NPAS3: variants seen among roughly 807,000 people sequenced by gnomAD.
NPAS3 encodes the protein neuronal PAS domain-containing protein 3.
Under a neutral mutation model 73.1 loss-of-function variants are expected in NPAS3, and 14 were observed. The observed-to-expected ratio is 0.19, with a 90% confidence interval of 0.13 to 0.30. The LOEUF (loss-of-function observed/expected upper bound fraction) is 0.30. NPAS3 is among the 10% of genes least tolerant of loss of function. The pLI is 1.00. For missense variants in NPAS3, 1,096 were observed against 1,250.0 expected, an observed-to-expected ratio of 0.88 and a Z score of 1.86; for synonymous variants, 620 against 541.5, an observed-to-expected ratio of 1.14 and a Z score of -2.01.
intron 6 of NPAS3, among the ~76,000 whole-genome samples, chr14:33,698,813 G>A (rs2060455124): frequency 6.6e-6 from 1 of 152,186 alleles, no homozygotes; most frequent in South Asian, 2.1e-4. Flanking sequence ...AATCAATAGT[G>A]GAGACTTGGC....
intron 1 of NPAS3, among the ~76,000 whole-genome samples, chr14:33,013,304 T>C (rs1412160191): frequency 6.6e-6 from 1 of 152,196 alleles, no homozygotes; most frequent in Admixed American, 6.5e-5. Flanking sequence ...GATTCTCTTA[T>C]AAAGGTTTTA....
At chr14:33,091,772 C>T (rs185439592) in intron 2 of NPAS3, among the ~76,000 whole-genome samples, 5 of 152,238 alleles carry the variant, frequency 3.3e-5, no homozygotes, top group South Asian at 2.1e-4. Context: ...GCTTATCCAC[C>T]GTGATCAAGT....
chr14:33,069,332 G>A (rs1167830610), intron 2 of NPAS3, among the ~76,000 whole-genome samples: 2 of 152,218 alleles, frequency 1.3e-5, no homozygotes, highest in South Asian at 2.1e-4. Flanking sequence ...AAGAGGCTAT[G>A]TGTATGTACG....
At chr14:33,691,065 C>T (rs1376484422) in intron 6 of NPAS3, among the ~76,000 whole-genome samples, 1 of 152,208 alleles carries the variant, frequency 6.6e-6, no homozygotes, top group Non-Finnish European at 1.5e-5. Flanking sequence ...CATCAAAAAA[C>T]ACCCATCAAT....
chr14:33,324,156 T>A (rs2043584743), intron 3 of NPAS3, among the ~76,000 whole-genome samples: 1 of 152,184 alleles, frequency 6.6e-6, no homozygotes, highest in Non-Finnish European at 1.5e-5. Flanking sequence ...CTGTCCTTCC[T>A]GCAGTCTGCC....
chr14:33,133,381 G>A (rs1256988198), intron 2 of NPAS3, among the ~76,000 whole-genome samples: 2 of 152,134 alleles, frequency 1.3e-5, no homozygotes, highest in Admixed American at 1.3e-4. Flanking sequence ...GAAGATATTA[G>A]CAAGGCTTTT....
chr14:33,385,271 C>G (rs1048615955), intron 4 of NPAS3, among the ~76,000 whole-genome samples: 2 of 152,110 alleles, frequency 1.3e-5, no homozygotes, highest in Non-Finnish European at 2.9e-5. Flanking sequence ...GTTCACACAG[C>G]TGTTCTCGTG....
intron 1 of NPAS3, among the ~76,000 whole-genome samples, chr14:33,026,073 A>T (rs971253000): frequency 2.0e-5 from 3 of 152,194 alleles, no homozygotes; most frequent in Non-Finnish European, 4.4e-5. Context: ...TCTCTTGTCT[A>T]CTACTACAAA....
At chr14:33,519,783 T>G (rs192597745) in intron 4 of NPAS3, among the ~76,000 whole-genome samples, 1 of 152,200 alleles carries the variant, frequency 6.6e-6, no homozygotes, top group Admixed American at 6.5e-5. Flanking sequence ...GACCGTACAT[T>G]TTAAAATAAC....
chr14:33,245,825 G>A (rs1482527169), intron 3 of NPAS3, among the ~76,000 whole-genome samples: 1 of 151,540 alleles, frequency 6.6e-6, no homozygotes, highest in Non-Finnish European at 1.5e-5. Context: ...CTCATACTAT[G>A]GTGAATTAAA....
At chr14:33,656,841 T>A (rs1002393002) in intron 5 of NPAS3, among the ~76,000 whole-genome samples, 1 of 152,212 alleles carries the variant, frequency 6.6e-6, no homozygotes, top group Admixed American at 6.5e-5. Flanking sequence ...TTGTACACCC[T>A]AACCAAAATC....
chr14:33,636,417 G>C lies in NPAS3; in HGVS notation c.559-39794G>C, dbSNP rs148487105. Among the ~76,000 whole-genome samples, 4 of 152,262 alleles carry C rather than the reference G, an allele frequency of 2.6e-5. No individual in the cohort carries two copies. In the South Asian group the frequency reaches 8.3e-4, roughly 32 times the overall value. ...AATAACTGCTATGCACAGCTATAGCGGTTTTCTTTAGAATTGAAGGGTTTC... is the reference window on the plus strand; with the variant it reads ...AATAACTGCTATGCACAGCTATAGCCGTTTTCTTTAGAATTGAAGGGTTTC... On this transcript the variant is annotated intron_variant, in intron 5 of 11. Coordinates refer to ENST00000356141, the Ensembl canonical transcript of NPAS3.
At chr14:33,028,551 T>C (rs541009696) in intron 1 of NPAS3, among the ~76,000 whole-genome samples, 44 of 152,348 alleles carry the variant, frequency 2.9e-4, no homozygotes, top group Admixed American at 1.3e-3. Flanking sequence ...TTTTGTCATT[T>C]TGGGATATAT....
chr14:33,749,647 T>G (rs1163507595), intron 7 of NPAS3, among the ~76,000 whole-genome samples: 3 of 152,146 alleles, frequency 2.0e-5, no homozygotes, highest in Admixed American at 2.0e-4. Context: ...CCCAAGCCCC[T>G]TGGCACAGCG....
intron 3 of NPAS3, among the ~76,000 whole-genome samples, chr14:33,260,759 C>T (rs2048947388): frequency 6.6e-6 from 1 of 152,194 alleles, no homozygotes; most frequent in African/African-American, 2.4e-5. Flanking sequence ...TCTCTTCTGT[C>T]CCTCTTACAA....
At chr14:33,331,812 G>T (rs1009938771) in intron 3 of NPAS3, among the ~76,000 whole-genome samples, 1 of 152,192 alleles carries the variant, frequency 6.6e-6, no homozygotes, top group Non-Finnish European at 1.5e-5. Flanking sequence ...CTGCATTTTA[G>T]ATGAGTAAAA....
chr14:33,020,847 G>A (rs1421760965), intron 1 of NPAS3, among the ~76,000 whole-genome samples: 7 of 151,606 alleles, frequency 4.6e-5, no homozygotes, highest in African/African-American at 1.2e-4. Flanking sequence ...TGCAACCCCC[G>A]CCTCCCGGGT....
At chr14:33,436,011 A>C (rs570214137) in intron 4 of NPAS3, among the ~76,000 whole-genome samples, 1 of 152,324 alleles carries the variant, frequency 6.6e-6, no homozygotes, top group Admixed American at 6.5e-5. Context: ...GTAATTCTGC[A>C]GCCGATCCAG....
intron 2 of NPAS3, among the ~76,000 whole-genome samples, chr14:33,060,135 G>T (rs1038162052): frequency 6.6e-6 from 1 of 152,170 alleles, no homozygotes; most frequent in African/African-American, 2.4e-5. Context: ...AATAGTAGTA[G>T]TAAGTTCAAA....
Sources: gnomAD v4.1 joint callset for allele counts (sites outside exome capture counted in the v4.1 genomes callset) on GRCh38, gnomAD v4.1.1 for gene constraint, MANE v1.5 for transcripts, NCBI Gene and HGNC (gene_info 2026-07-23, HGNC 2026-07-21) for gene names.